DEAF1: variants seen among roughly 807,000 people sequenced by gnomAD.
DEAF1 encodes the protein deformed epidermal autoregulatory factor 1 homolog.
Under a neutral mutation model 58.9 loss-of-function variants are expected in DEAF1, and 53 were observed. The observed-to-expected ratio is 0.90, with a 90% confidence interval of 0.72 to 1.13. DEAF1 has a LOEUF of 1.13. Ranked by LOEUF, DEAF1 falls within the 50% of genes most tolerant of loss-of-function variation. The pLI is 0.00. For missense variants in DEAF1, 685 were observed against 791.4 expected (o/e 0.87, Z 1.61); for synonymous variants, 385 against 340.4 (o/e 1.13, Z -1.44).
upstream of DEAF1, chr11:695,839 G>C (rs1462508976): frequency 8.1e-7 from 1 of 1,230,242 alleles, no homozygotes; most frequent in Non-Finnish European, 1.0e-6. Flanking sequence ...TGGCGGCCCC[G>C]CGGCGAGGTG....
At chr11:651,574 C>T (rs1858774323) in intron 11 of DEAF1, among the ~76,000 whole-genome samples, 1 of 151,832 alleles carries the variant, frequency 6.6e-6, no homozygotes, top group Non-Finnish European at 1.5e-5. Flanking sequence ...CAAAAACAGG[C>T]ATAATGGCAG....
At chr11:654,200 A>T (rs1348995155) in intron 10 of DEAF1, 149 bp from the exon 11 acceptor site, 24 of 613,736 alleles carry the variant, frequency 3.9e-5, no homozygotes, top group Non-Finnish European at 6.3e-5. Flanking sequence ...ATGGAGTCTC[A>T]CTCTGTCGCC....
At chr11:678,893 T>C (rs1175815105) in intron 8 of DEAF1, 71 bp from the exon 9 acceptor site, 1 of 1,595,632 alleles carries the variant, frequency 6.3e-7, no homozygotes, top group Non-Finnish European at 8.6e-7. Context: ...TATCACGCTG[T>C]ATGGCTGCGC....
In DEAF1 at chr11:701,381, T is replaced by G. The variant is rs1459352243; in HGVS notation, c.-438+5191A>C. Among the ~76,000 whole-genome samples, 780 of 150,370 alleles carry G rather than the reference T, an allele frequency of 5.2e-3. 6 individuals are homozygous for G. The highest frequency in any genetic ancestry group is 0.018 in the African/African-American group (746 of 40,924). ...TTTTGTTTTGTTTTGTTTTGTTTTT[T>G]TTTGGTAGAGACGAGACAAGGTTTC... On this transcript the variant is annotated intron_variant, in intron 1 of 11. Coordinates refer to the DEAF1 transcript ENST00000683307.
chr11:651,663 G>T (rs749167935), intron 11 of DEAF1, among the ~76,000 whole-genome samples: 3 of 152,192 alleles, frequency 2.0e-5, no homozygotes, highest in Non-Finnish European at 4.4e-5. Context: ...GAGGAGGGCA[G>T]ATCACAAGGT....
rs558436376 is a variant in DEAF1 at position 670,931 on chromosome 11, G to GT, written c.1503+3604dup. ...TGGCATGTCACCACACCTGGCTAAT[G>GT]TTTTTTTTTTTTTTTGAGACAGAGT... is the stretch of plus-strand genomic sequence containing the variant. On this transcript the variant is annotated intron_variant, in intron 10 of 11. Transcript: ENST00000382409. Among the ~76,000 whole-genome samples, 231 of 91,370 alleles carry GT rather than the reference G, an allele frequency of 2.5e-3. 17 individuals carry two copies. The highest frequency in any genetic ancestry group is 8.6e-3 in the African/African-American group (168 of 19,510). The allele number at this position is 91,370 out of a possible 152,430, so 59.9% of individuals were successfully genotyped here. A position where few individuals can be genotyped will look rare whatever the true frequency, so the allele number is the denominator to read the frequency against.
chr11:697,270 A>G (rs995899113), upstream of DEAF1, among the ~76,000 whole-genome samples: 1 of 152,204 alleles, frequency 6.6e-6, no homozygotes, highest in Non-Finnish European at 1.5e-5. Context: ...AACTAAGTGT[A>G]TACCAAAACA....
chr11:656,885 GA>G (rs1859084707), intron 10 of DEAF1, among the ~76,000 whole-genome samples: 2 of 151,146 alleles, frequency 1.3e-5, no homozygotes, highest in African/African-American at 4.9e-5. Flanking sequence ...TTTTTAAACT[GA>G]AAAATAACGT....
At chr11:693,524 C>T (rs919912558) in intron 1 of DEAF1, 3 of 152,346 alleles carry the variant, frequency 2.0e-5, no homozygotes, top group Non-Finnish European at 4.4e-5. Context: ...TTCCTCAACC[C>T]GCAAAGCTCC....
At chr11:657,874 C>T (rs975984517) in intron 10 of DEAF1, among the ~76,000 whole-genome samples, 2 of 152,134 alleles carry the variant, frequency 1.3e-5, no homozygotes, top group African/African-American at 2.4e-5. Flanking sequence ...GGGTGCTGGG[C>T]AAATGGTGCA....
Position 644,436 on chromosome 11 carries a change from C to T in DEAF1, c.*114G>A. 1.2e-6 allele frequency: 1 copy of T among 801,462 alleles called. No homozygotes were observed. Among genetic ancestry groups the T allele is most frequent in the South Asian group, 1.4e-5 (1 of 69,502 alleles). The allele number at this position is 801,462 out of a possible 1,614,324, so 49.6% of individuals were successfully genotyped here. A position where few individuals can be genotyped will look rare whatever the true frequency, so the allele number is the denominator to read the frequency against. ...ATGACTTGTCCAGCAAGTTTCTTTACCTTCCCACACCCCTCTTCTCAACGT... is the reference window on the plus strand; with the variant it reads ...ATGACTTGTCCAGCAAGTTTCTTTATCTTCCCACACCCCTCTTCTCAACGT... On this transcript the variant is annotated 3_prime_UTR_variant, in exon 12 of 12. Coordinates refer to ENST00000382409, the MANE Select transcript of DEAF1 (RefSeq NM_021008.4). This position sits in a 1 kb window ranked among gnomAD's most constrained non-coding sequence, Gnocchi z 4.3.
At chr11:698,831 G>T (rs1861315365), upstream of DEAF1, 1 of 1,613,782 alleles carries the variant, frequency 6.2e-7, no homozygotes, top group African/African-American at 1.3e-5. Flanking sequence ...GCATCCTGGT[G>T]GCTGTCAGGC....
chr11:687,094 C>G, intron 4 of DEAF1, 97 bp from the exon 5 acceptor site: 1 of 1,557,100 alleles, frequency 6.4e-7, no homozygotes, highest in Non-Finnish European at 8.8e-7. Flanking sequence ...CCACCAGCAC[C>G]AGCGCCCCAG....
At chr11:658,559 T>C (rs1228084480) in intron 10 of DEAF1, among the ~76,000 whole-genome samples, 1 of 152,238 alleles carries the variant, frequency 6.6e-6, no homozygotes, top group Non-Finnish European at 1.5e-5. Flanking sequence ...CAGGAAACTG[T>C]CAGGAAATCA....
rs764254514 is a variant in DEAF1, at chr11:687,907, T to G, written c.664+4A>C. The G allele has an allele frequency of 3.7e-6, 6 of 1,613,970 alleles. No homozygotes were observed. The Admixed American group carries it at 8.3e-5, about 22-fold the overall frequency. ...ACTTTGGAGTCTGAAGTGGCAGTCC[T>G]CACCTGAGCCGAGCCTGTTCTTGTA... On this transcript the variant is annotated splice_donor_region_variant and intron_variant, in intron 4 of 11. Coordinates refer to ENST00000382409, the MANE Select transcript of DEAF1 (RefSeq NM_021008.4).
Position 686,750 on chromosome 11 carries a change from A to G in DEAF1, c.804+108T>C. On this transcript the variant is annotated intron_variant, in intron 5 of 11. Transcript: ENST00000382409. ...CACAGACAGCAGGTGGAGGCTGCAA[A>G]CCCCATTTGTCTGACCCCGTGGTCT... 6.8e-6 allele frequency: 10 copies of G among 1,479,978 alleles called. No homozygotes were observed. In the South Asian group the frequency reaches 1.2e-4, roughly 17 times the overall value. The allele number at this position is 1,479,978 out of a possible 1,614,324, so 91.7% of individuals were successfully genotyped here. A position where few individuals can be genotyped will look rare whatever the true frequency, so the allele number is the denominator to read the frequency against.
intron 7 of DEAF1, 38 bp downstream of exon 7, chr11:680,925 C>A (rs778876902): frequency 8.7e-6 from 14 of 1,613,656 alleles, no homozygotes; most frequent in Non-Finnish European, 1.2e-5. Flanking sequence ...GCACTCAGGT[C>A]CCCTCAGTAA....
chr11:695,131 G>T lies in DEAF1; in HGVS notation c.-84C>A. Reference sequence around the variant, plus strand: ...CGGAGCCCGAAGCGGGGCCCGAAGAGGACGCCCGAGCTGGGCCGAGGCCGC... The same window carrying T: ...CGGAGCCCGAAGCGGGGCCCGAAGATGACGCCCGAGCTGGGCCGAGGCCGC... On this transcript the variant is annotated 5_prime_UTR_variant, in exon 1 of 12. Transcript: ENST00000382409. 2 of 1,276,434 alleles carry T rather than the reference G, an allele frequency of 1.6e-6. No individual in the cohort carries two copies. Among genetic ancestry groups the T allele is most frequent in the Non-Finnish European group, 2.0e-6 (2 of 986,060 alleles). The allele number at this position is 1,276,434 out of a possible 1,614,324, so 79.1% of individuals were successfully genotyped here.
chr11:653,869 G>T, intron 11 of DEAF1, 93 bp downstream of exon 11: 2 of 1,099,306 alleles, frequency 1.8e-6, no homozygotes, highest in Non-Finnish European at 2.8e-6. Flanking sequence ...GTCAGGTGTG[G>T]CACCAGGAGC....
Sources: allele counts gnomAD v4.1 joint callset (sites outside exome capture counted in the v4.1 genomes callset), GRCh38; gene constraint gnomAD v4.1.1; non-coding constraint Gnocchi (gnomAD v3.1); transcripts MANE v1.5; gene names NCBI Gene and HGNC (gene_info 2026-07-23, HGNC 2026-07-21).